The following PPP1R1C variants were observed in gnomAD, a reference collection of about 807,000 sequenced individuals.
PPP1R1C encodes the protein protein phosphatase 1 regulatory inhibitor subunit 1C, also known as protein phosphatase 1 regulatory subunit 1C.
Under a neutral mutation model 17.4 loss-of-function variants are expected in PPP1R1C, and 15 were observed. The ratio of observed to expected loss-of-function variants is 0.86; its 90% CI spans 0.58 to 1.33. The LOEUF (loss-of-function observed/expected upper bound fraction) is 1.33, where lower values mean the gene tolerates loss of function less well. Ranked by LOEUF, PPP1R1C falls within the 40% of genes most tolerant of loss-of-function variation. PPP1R1C has a pLI of 0.00. For synonymous variants in PPP1R1C, 35 were observed against 43.1 expected (o/e 0.81, Z 0.73); for missense variants, 143 against 130.0 (o/e 1.10, Z -0.48).
At chr2:182,127,800 T>C (rs185505729) in intron 5 of PPP1R1C, among the ~76,000 whole-genome samples, 26 of 152,102 alleles carry the variant, frequency 1.7e-4, no homozygotes, top group Non-Finnish European at 3.7e-4. Flanking sequence ...TAGGTATTTG[T>C]TGAACGTTCA....
downstream of PPP1R1C, among the ~76,000 whole-genome samples, chr2:182,120,789 A>G (rs1018468354): frequency 2.0e-5 from 3 of 152,142 alleles, no homozygotes; most frequent in African/African-American, 7.2e-5. Flanking sequence ...TGATTTTGTA[A>G]CATCATTTAG....
chr2:182,004,454 G>T (rs571180823), intron 2 of PPP1R1C, among the ~76,000 whole-genome samples: 1 of 152,312 alleles, frequency 6.6e-6, no homozygotes, highest in African/African-American at 2.4e-5. Flanking sequence ...ACATAGCCCA[G>T]TCAATGATAG....
chr2:182,083,221 A>C (rs894497960), intron 4 of PPP1R1C, among the ~76,000 whole-genome samples: 2 of 152,182 alleles, frequency 1.3e-5, no homozygotes, highest in African/African-American at 4.8e-5. Flanking sequence ...AGATTTGAAT[A>C]ATTAGGTTGA....
At chr2:182,024,952 C>CTT (rs527611180) in intron 2 of PPP1R1C, among the ~76,000 whole-genome samples, 1 of 134,380 alleles carries the variant, frequency 7.4e-6, no homozygotes, top group Non-Finnish European at 1.6e-5. Context: ...ATATATTCTT[C>CTT]TTTTTTTTTT....
intron 4 of PPP1R1C, among the ~76,000 whole-genome samples, chr2:182,082,907 C>CA (rs1194304339): frequency 6.6e-6 from 1 of 152,060 alleles, no homozygotes; most frequent in Non-Finnish European, 1.5e-5. Flanking sequence ...TAATAATACC[C>CA]AGCGGGAGAC....
At chr2:181,955,035 C>T (rs7582121) in intron 1 of PPP1R1C, among the ~76,000 whole-genome samples, 3,654 of 152,236 alleles carry the variant, frequency 0.024, 141 homozygotes, top group African/African-American at 0.081. Flanking sequence ...GCTTTATAAG[C>T]TCTTTGATGA....
intron 2 of PPP1R1C, among the ~76,000 whole-genome samples, chr2:182,024,857 AAAAC>A (rs374519097): frequency 0.012 from 1,826 of 150,768 alleles, 14 homozygotes; most frequent in Middle Eastern, 0.021. Flanking sequence ...TCTGTCTCAA[AAAAC>A]AAACAAACAA....
intron 2 of PPP1R1C, among the ~76,000 whole-genome samples, chr2:182,031,526 A>G (rs1317960716): frequency 6.6e-6 from 1 of 152,258 alleles, no homozygotes; most frequent in Non-Finnish European, 1.5e-5. Context: ...TTAGGATGTC[A>G]TCATTTCTTC....
chr2:182,076,218 T>C (rs1002346088), intron 4 of PPP1R1C, among the ~76,000 whole-genome samples: 3 of 106,494 alleles, frequency 2.8e-5, no homozygotes, highest in East Asian at 2.8e-4. Flanking sequence ...TTTTTTTTTT[T>C]TTTTTTTTTT....
intron 4 of PPP1R1C, among the ~76,000 whole-genome samples, chr2:182,112,388 A>G (rs1335207209): frequency 1.3e-5 from 2 of 152,180 alleles, no homozygotes; most frequent in African/African-American, 4.8e-5. Context: ...GAAAATCATG[A>G]CAACCACAAT....
chr2:182,120,007 C>T (rs537692126), downstream of PPP1R1C, among the ~76,000 whole-genome samples: 575 of 152,256 alleles, frequency 3.8e-3, 8 homozygotes, highest in African/African-American at 0.013. Context: ...ATGGTATTGC[C>T]TAGGTTTTCT....
At chr2:181,974,085 T>C (rs538746654) in intron 1 of PPP1R1C, among the ~76,000 whole-genome samples, 2 of 152,184 alleles carry the variant, frequency 1.3e-5, no homozygotes, top group African/African-American at 4.8e-5. Flanking sequence ...CAGTCAATTA[T>C]GCTACCTTGG....
Position 182,081,920 on chromosome 2 carries a change from T to C in PPP1R1C, c.241+18129T>C, listed in dbSNP as rs574920350. On this transcript the variant is annotated intron_variant, in intron 4 of 4. Transcript: ENST00000682840. ...AAATATCAGGGAGAAAAGCTTCATG[T>C]GCAGAAACTTTGTAGTTAATGGGAA... Among the ~76,000 whole-genome samples the C allele has an allele frequency of 5.3e-5, 8 of 152,344 alleles. No individual in the cohort carries two copies. The South Asian group carries it at 1.5e-3, about 28-fold the overall frequency.
intron 4 of PPP1R1C, among the ~76,000 whole-genome samples, chr2:182,068,434 A>T (rs1294912683): frequency 1.3e-5 from 2 of 152,188 alleles, no homozygotes; most frequent in East Asian, 3.9e-4. Context: ...GGAGAATAAA[A>T]TAGCTTTGTT....
intron 4 of PPP1R1C, among the ~76,000 whole-genome samples, chr2:182,090,289 C>CTGTGTGTGTGTGTG (rs142618201): frequency 0.019 from 2,717 of 145,672 alleles, 53 homozygotes; most frequent in South Asian, 0.049. Context: ...ACTATAAATT[C>CTGTGTGTGTGTGTG]TGTGTGTGTG....
chr2:182,073,959 T>C (rs2125206937), intron 4 of PPP1R1C, among the ~76,000 whole-genome samples: 1 of 152,258 alleles, frequency 6.6e-6, no homozygotes, highest in East Asian at 1.9e-4. Context: ...TGAAGATTGC[T>C]TGACACGTTG....
chr2:182,114,872 ATGT>A (rs1042549386), intron 4 of PPP1R1C, among the ~76,000 whole-genome samples: 1 of 152,192 alleles, frequency 6.6e-6, no homozygotes, highest in African/African-American at 2.4e-5. Flanking sequence ...AATAAATTAA[ATGT>A]TGTTCAGGGT....
rs952799906 is a variant in PPP1R1C, at chr2:181,967,653, C to A, written n.112-7566C>A. Among the ~76,000 whole-genome samples the A allele has an allele frequency of 6.6e-6, 1 of 152,016 alleles. No homozygotes were observed. Among genetic ancestry groups the A allele is most frequent in the African/African-American group, 2.4e-5 (1 of 41,410 alleles). The stretch of plus-strand genomic sequence containing the variant: ...TCAATTTTCCTTCCTTCCTTCCTCC[C>A]TCCCTCCCTCCTTCTCTCTCTCTTT... On this transcript the variant is annotated intron_variant and non_coding_transcript_variant, in intron 1 of 5. Coordinates refer to the PPP1R1C transcript ENST00000464264. This position sits in a 1 kb window ranked among gnomAD's most constrained non-coding sequence, Gnocchi z 5.5.
chr2:181,980,402 C>A (rs1483707335), intron 2 of PPP1R1C, among the ~76,000 whole-genome samples: 1 of 152,132 alleles, frequency 6.6e-6, no homozygotes, highest in African/African-American at 2.4e-5. Flanking sequence ...TATTCCTGTG[C>A]CTTTGCTGGA....
Sources: allele counts gnomAD v4.1 joint callset (sites outside exome capture counted in the v4.1 genomes callset), GRCh38; gene constraint gnomAD v4.1.1; non-coding constraint Gnocchi (gnomAD v3.1); transcripts MANE v1.5; gene names NCBI Gene and HGNC (gene_info 2026-07-23, HGNC 2026-07-21).